The following UBASH3B variants were observed in gnomAD, a reference collection of about 807,000 sequenced individuals.
The protein encoded by UBASH3B is ubiquitin associated and SH3 domain containing B, also known as ubiquitin-associated and SH3 domain-containing protein B.
A neutral mutation model predicts 83.4 loss-of-function variants in UBASH3B; 37 were observed. The ratio of observed to expected loss-of-function variants is 0.44; its 90% CI spans 0.34 to 0.58. UBASH3B has a LOEUF of 0.58. UBASH3B is among the 20% of genes least tolerant of loss of function. UBASH3B has a pLI of 0.01. For missense variants in UBASH3B, 657 were observed against 827.2 expected (o/e 0.79, Z 2.52); for synonymous variants, 304 against 318.3 (o/e 0.96, Z 0.48).
At chr11:122,704,556 C>T (rs1864090489) in intron 1 of UBASH3B, among the ~76,000 whole-genome samples, 1 of 151,916 alleles carries the variant, frequency 6.6e-6, no homozygotes, top group Non-Finnish European at 1.5e-5. Flanking sequence ...GTCATCTAGG[C>T]TGGAGTGCAG....
intron 1 of UBASH3B, among the ~76,000 whole-genome samples, chr11:122,671,697 T>C (rs1424107827): frequency 6.6e-6 from 1 of 152,160 alleles, no homozygotes; most frequent in Non-Finnish European, 1.5e-5. Context: ...TACAGACCAG[T>C]GGAGCAGGAG....
intron 1 of UBASH3B, among the ~76,000 whole-genome samples, chr11:122,767,104 C>T (rs1860555192): frequency 6.6e-6 from 1 of 151,964 alleles, no homozygotes; most frequent in Non-Finnish European, 1.5e-5. Context: ...ATGGTGAAAC[C>T]GCGTCTCTAC....
chr11:122,728,700 C>T (rs997933888), intron 1 of UBASH3B, among the ~76,000 whole-genome samples: 2 of 152,180 alleles, frequency 1.3e-5, no homozygotes, highest in Non-Finnish European at 2.9e-5. Flanking sequence ...GCCTAGAATG[C>T]GCTTTGCACT....
intron 13 of UBASH3B, among the ~76,000 whole-genome samples, chr11:122,808,757 A>G (rs1431289430): frequency 6.6e-6 from 1 of 152,238 alleles, no homozygotes; most frequent in Non-Finnish European, 1.5e-5. Context: ...CTCTGCCGCC[A>G]GAGAACCTGG....
chr11:122,730,302 G>A lies in UBASH3B; in HGVS notation c.162-45917G>A, dbSNP rs1321007736. Among the ~76,000 whole-genome samples, 10 of 152,238 alleles carry A rather than the reference G, an allele frequency of 6.6e-5. No individual in the cohort carries two copies. The South Asian group carries it at 1.2e-3, about 19-fold the overall frequency. ...TGACAGGGTGTGGGTGACATCACAC[G>A]GGTCCTTGAACAATTGCACTCACAT... On this transcript the variant is annotated intron_variant, in intron 1 of 13. Coordinates refer to ENST00000284273, the MANE Select transcript of UBASH3B (RefSeq NM_032873.5).
intron 1 of UBASH3B, among the ~76,000 whole-genome samples, chr11:122,673,753 C>A (rs557272382): frequency 2.0e-5 from 3 of 152,318 alleles, no homozygotes; most frequent in South Asian, 4.1e-4. Context: ...AGAGTCCAAT[C>A]CTATCTCCTT....
At chr11:122,740,425 C>T (rs186805297) in intron 1 of UBASH3B, among the ~76,000 whole-genome samples, 15 of 152,292 alleles carry the variant, frequency 9.8e-5, no homozygotes, top group Admixed American at 4.6e-4. Context: ...AAGGGTGAAC[C>T]GTGTGTTGTC....
At chr11:122,694,475 G>A (rs1415715296) in intron 1 of UBASH3B, among the ~76,000 whole-genome samples, 1 of 152,060 alleles carries the variant, frequency 6.6e-6, no homozygotes, top group East Asian at 1.9e-4. Flanking sequence ...TGGGAGGATC[G>A]CTTGAGCCTG....
intron 9 of UBASH3B, among the ~76,000 whole-genome samples, chr11:122,798,145 T>C (rs1861185093): frequency 6.6e-6 from 1 of 151,832 alleles, no homozygotes; most frequent in African/African-American, 2.4e-5. Flanking sequence ...CAAAACCCTA[T>C]CTCTAAAAAT....
intron 1 of UBASH3B, among the ~76,000 whole-genome samples, chr11:122,663,592 C>T (rs552294431): frequency 2.0e-5 from 3 of 152,274 alleles, no homozygotes; most frequent in Non-Finnish European, 2.9e-5. Flanking sequence ...CTGTGTCTCC[C>T]GCCAGCTTTG....
At chr11:122,771,995 A>C (rs1192563745) in intron 1 of UBASH3B, among the ~76,000 whole-genome samples, 1 of 152,182 alleles carries the variant, frequency 6.6e-6, no homozygotes, top group Non-Finnish European at 1.5e-5. Flanking sequence ...CCAAGATAGG[A>C]CCTCAAGAAT....
Position 122,808,154 on chromosome 11 carries a change from A to C in UBASH3B, c.1790A>C (p.Asp597Ala). 1 of 1,614,156 alleles carries C rather than the reference A, an allele frequency of 6.2e-7. No homozygotes were observed. Among genetic ancestry groups the C allele is most frequent in the Non-Finnish European group, 8.5e-7 (1 of 1,180,006 alleles). Residue 597 changes from aspartate to alanine, a missense_variant, in exon 13 of 14, where the codon GAC becomes GCC. Asp to Ala is a moderately radical substitution (Grantham distance 126, BLOSUM62 -2). Coordinates refer to ENST00000284273, the MANE Select transcript of UBASH3B (RefSeq NM_032873.5). ...GGCCTGTCACCTCAGAACTCCAAGG[A>C]CTTCGTACAAATGGTCCGAAAGGTA... The part of the protein sequence containing the change: ...LQGLSPQNSK[D>A]FVQMVRKIPY...
intron 1 of UBASH3B, among the ~76,000 whole-genome samples, chr11:122,688,370 T>C (rs1359235714): frequency 6.6e-6 from 1 of 151,586 alleles, no homozygotes; most frequent in African/African-American, 2.4e-5. Flanking sequence ...TTCAAGCAAT[T>C]CTCCTGTCTC....
At chr11:122,720,292 C>T (rs970094807) in intron 1 of UBASH3B, among the ~76,000 whole-genome samples, 6 of 152,192 alleles carry the variant, frequency 3.9e-5, no homozygotes, top group Non-Finnish European at 5.9e-5. Context: ...TCACCCTTAG[C>T]GCCTCACTTT....
At chr11:122,685,062 C>T (rs1863792456) in intron 1 of UBASH3B, among the ~76,000 whole-genome samples, 1 of 152,210 alleles carries the variant, frequency 6.6e-6, no homozygotes. Flanking sequence ...ATCTTGCCCC[C>T]CGGCAAGAGG....
chr11:122,704,039 AACTTAC>A lies in UBASH3B; in HGVS notation c.161+47830_161+47835del, dbSNP rs1304506583. 4.6e-5 allele frequency among the ~76,000 whole-genome samples: 7 copies of A among 152,216 alleles called. No individual in the cohort carries two copies. In the East Asian group the frequency reaches 1.3e-3, roughly 29 times the overall value. Reference sequence around the variant, plus strand: ...CTCACTTGGACTCGGAAACCAACCTAACTTACTCAGGGTGCCTGCGGCGGTGGGGCT... The same window carrying A: ...CTCACTTGGACTCGGAAACCAACCTATCAGGGTGCCTGCGGCGGTGGGGCT... On this transcript the variant is annotated intron_variant, in intron 1 of 13. Transcript: ENST00000284273.
At chr11:122,672,606 G>A (rs11218744) in intron 1 of UBASH3B, among the ~76,000 whole-genome samples, 31,733 of 152,096 alleles carry the variant, frequency 0.21, 3,699 homozygotes, top group Non-Finnish European at 0.26. Context: ...GATTACAGGC[G>A]TGAGGCACAG....
rs552607628 is a variant in UBASH3B, at chr11:122,801,448, T to C, written c.1595+116T>C. The C allele has an allele frequency of 2.3e-4, 275 of 1,221,068 alleles. 2 individuals carry two copies. In the African/African-American group the frequency reaches 3.7e-3, roughly 16 times the overall value. 75.6% of individuals were successfully genotyped at this position (1,221,068 alleles called of 1,614,324 possible). A position where few individuals can be genotyped will look rare whatever the true frequency, so the allele number is the denominator to read the frequency against. On this transcript the variant is annotated intron_variant, in intron 11 of 13. Transcript: ENST00000284273. ...GACATCACCTACAGGCAGTTGTCCA[T>C]AGTGGTGGAAAACGAGCTATGATTT...
chr11:122,744,765 A>G (rs1448037037), intron 1 of UBASH3B, among the ~76,000 whole-genome samples: 1 of 151,964 alleles, frequency 6.6e-6, no homozygotes, highest in Non-Finnish European at 1.5e-5. Context: ...GTGAGTGATC[A>G]CATGTGTGCT....
Sources: gnomAD v4.1 joint callset for allele counts (sites outside exome capture counted in the v4.1 genomes callset) on GRCh38, gnomAD v4.1.1 for gene constraint, MANE v1.5 for transcripts, NCBI Gene and HGNC (gene_info 2026-07-23, HGNC 2026-07-21) for gene names.